Variants in MCM10 observed in about 807,000 individuals in gnomAD.
The protein encoded by MCM10 is protein MCM10 homolog.
Under a neutral mutation model 109.9 loss-of-function variants are expected in MCM10, and 91 were observed. The observed-to-expected ratio is 0.83, with a 90% CI of 0.70 to 0.99. The LOEUF (loss-of-function observed/expected upper bound fraction) is 0.99. Ranked by LOEUF, MCM10 falls within the 50% of genes least tolerant of loss-of-function variation. MCM10 has a pLI of 0.00. For missense variants in MCM10, 1,077 were observed against 1,061.2 expected (o/e 1.01, Z -0.21); for synonymous variants, 380 against 387.2 (o/e 0.98, Z 0.22).
intron 2 of MCM10, among the ~76,000 whole-genome samples, chr10:13,169,328 A>G (rs545403449): frequency 3.7e-4 from 56 of 152,300 alleles, no homozygotes; most frequent in East Asian, 2.1e-3. Flanking sequence ...TCTTTTGCCT[A>G]TTAAATCTCT....
chr10:13,210,718 C>G lies in MCM10; in HGVS notation c.*1408C>G, dbSNP rs1235172025. ...TAATAACTATTCTTTTAGGAGTATA[C>G]TTCTACTTTATAGAAGGTTGCTTTT... On this transcript the variant is annotated 3_prime_UTR_variant, in exon 20 of 20. Coordinates refer to ENST00000378714, the MANE Select transcript of MCM10 (RefSeq NM_018518.5). The G allele has an allele frequency of 6.6e-6, 1 of 152,172 alleles. No homozygotes were observed. The highest frequency in any genetic ancestry group is 1.5e-5 in the Non-Finnish European group (1 of 68,018). 9.4% of individuals were successfully genotyped at this position (152,172 alleles called of 1,614,324 possible).
At position 13,193,816 on chromosome 10, in the gene MCM10, C is replaced by T. The variant is rs543635229; in HGVS notation, c.1746-1225C>T. Among the ~76,000 whole-genome samples the T allele has an allele frequency of 5.9e-5, 9 of 152,138 alleles. No individual in the cohort carries two copies. The South Asian group carries it at 1.5e-3, about 25-fold the overall frequency. ...AATGCCCATCAGCTTGAAGGCATTG[C>T]GTAATGAAAATTTTCAGAATTTTGT... is the stretch of plus-strand genomic sequence containing the variant. On this transcript the variant is annotated intron_variant, in intron 13 of 19. Coordinates refer to ENST00000378714, the MANE Select transcript of MCM10 (RefSeq NM_018518.5).
At position 13,171,897 on chromosome 10, in the gene MCM10, T is replaced by TG. The variant is rs2131559004; in HGVS notation, c.350-477dup. Among the ~76,000 whole-genome samples, 2 of 152,186 alleles carry TG rather than the reference T, an allele frequency of 1.3e-5. 1 individual carries two copies. Among genetic ancestry groups the TG allele is most frequent in the East Asian group, 3.9e-4 (2 of 5,188 alleles). On this transcript the variant is annotated intron_variant, in intron 3 of 19. Coordinates refer to ENST00000378714, the MANE Select transcript of MCM10 (RefSeq NM_018518.5). ...TTCCTGCCACAGCCTCCCTAGTAGC[T>TG]GGAACCATAGGCATGCACCACCATG...
chr10:13,179,057 C>G (rs1408679316), intron 6 of MCM10, among the ~76,000 whole-genome samples: 1 of 152,160 alleles, frequency 6.6e-6, no homozygotes, highest in Non-Finnish European at 1.5e-5. Flanking sequence ...ATTTTGTATC[C>G]TGCAACTTTA....
At position 13,191,398 on chromosome 10, in the gene MCM10, C is replaced by T. The variant is rs539581095; in HGVS notation, c.1515C>T (p.Leu505=). 5.8e-5 allele frequency: 94 copies of T among 1,612,640 alleles called. No individual in the cohort carries two copies. The Middle Eastern group carries it at 8.3e-4, about 14-fold the overall frequency. ...NLIIQETRQK[L]GIPQKSLSCS... The stretch of plus-strand genomic sequence containing the variant: ...TCATCCAGGAAACACGGCAAAAACT[C>T]GGTAACTTTGTTTTTCCATAAGAAA... Residue 505 remains leucine (L), a splice_region_variant and synonymous_variant, in exon 11 of 20, where the codon CTC becomes CTT. Transcript: ENST00000378714.
At chr10:13,207,678 G>C (rs1168686884) in intron 18 of MCM10, among the ~76,000 whole-genome samples, 1 of 152,142 alleles carries the variant, frequency 6.6e-6, no homozygotes, top group Non-Finnish European at 1.5e-5. Flanking sequence ...ATAAAGGAGA[G>C]TTCCCTGCAC....
Position 13,210,352 on chromosome 10 carries a change from A to G in MCM10, c.*1042A>G, listed in dbSNP as rs1834644910. 1 of 152,128 alleles carries G rather than the reference A, an allele frequency of 6.6e-6. No individual in the cohort carries two copies. The highest frequency in any genetic ancestry group is 1.5e-5 in the Non-Finnish European group (1 of 68,036). 9.4% of individuals were successfully genotyped at this position (152,128 alleles called of 1,614,324 possible). A position where few individuals can be genotyped will look rare whatever the true frequency, so the allele number is the denominator to read the frequency against. Reference sequence around the variant, plus strand: ...AAATGAAAGGTCAACCCCTATGCAAATTACCACAGCAAAGGTTTCATTCAG... The same window carrying G: ...AAATGAAAGGTCAACCCCTATGCAAGTTACCACAGCAAAGGTTTCATTCAG... On this transcript the variant is annotated 3_prime_UTR_variant, in exon 20 of 20. Coordinates refer to ENST00000378714, the MANE Select transcript of MCM10 (RefSeq NM_018518.5).
chr10:13,204,056 C>T (rs1438570104), intron 17 of MCM10, among the ~76,000 whole-genome samples, 163 bp from the exon 18 acceptor site: 1 of 152,152 alleles, frequency 6.6e-6, no homozygotes, highest in Non-Finnish European at 1.5e-5. Context: ...GGCAATCACA[C>T]GGGTCACTGT....
At chr10:13,162,242 G>C (rs983449814) in intron 1 of MCM10, among the ~76,000 whole-genome samples, 3 of 152,188 alleles carry the variant, frequency 2.0e-5, no homozygotes, top group Admixed American at 2.0e-4. Flanking sequence ...AGAATTGGAC[G>C]TGGTGGATTG....
chr10:13,189,725 T>C (rs888929621), intron 10 of MCM10, among the ~76,000 whole-genome samples: 1 of 152,216 alleles, frequency 6.6e-6, no homozygotes, highest in Non-Finnish European at 1.5e-5. Flanking sequence ...TATGACTATA[T>C]GAGTGAGGCT....
intron 1 of MCM10, among the ~76,000 whole-genome samples, chr10:13,162,658 G>T (rs1325476248): frequency 6.6e-6 from 1 of 152,186 alleles, no homozygotes; most frequent in East Asian, 1.9e-4. Flanking sequence ...GGGAAGGCAA[G>T]GCCGGTTACA....
At chr10:13,178,799 G>A (rs1286184662) in intron 6 of MCM10, among the ~76,000 whole-genome samples, 1 of 152,184 alleles carries the variant, frequency 6.6e-6, no homozygotes, top group South Asian at 2.1e-4. Flanking sequence ...GCTTTGGATT[G>A]TATGGACAGT....
At chr10:13,180,680 T>A in intron 7 of MCM10, 73 bp downstream of exon 7, 1 of 1,524,992 alleles carries the variant, frequency 6.6e-7, no homozygotes, top group South Asian at 1.2e-5. Flanking sequence ...CTGAATTTGT[T>A]AACTGGAACC....
intron 16 of MCM10, 115 bp downstream of exon 16, chr10:13,198,922 G>T: frequency 4.2e-6 from 3 of 708,736 alleles, no homozygotes; most frequent in Non-Finnish European, 7.2e-6. Flanking sequence ...CTGAGACAGA[G>T]TCTCAGTCTG....
rs775423373 is a variant in MCM10, at chr10:13,172,697, C to T, written c.524C>T (p.Ala175Val). ...ATTCAGGAGTCAACATGCTTTTCTG[C>T]GGAGCTTGATGTCCCTGCGCTACCA... is the stretch of plus-strand genomic sequence containing the variant. ...QRIQESTCFS[A>V]ELDVPALPRT... is the part of the protein sequence containing the mutation. Residue 175 changes from alanine to valine, a missense_variant, in exon 5 of 20, where the codon GCG (alanine) becomes GTG (valine). Transcript: ENST00000378714. This position sits in a 1 kb window ranked among gnomAD's most constrained non-coding sequence, Gnocchi z 5.2. 16 of 1,613,974 alleles carry T rather than the reference C, an allele frequency of 9.9e-6. No homozygotes were observed. Among genetic ancestry groups the T allele is most frequent in the African/African-American group, 5.3e-5 (4 of 74,886 alleles).
intron 18 of MCM10, among the ~76,000 whole-genome samples, chr10:13,206,440 A>G (rs1294801144): frequency 6.6e-6 from 1 of 151,972 alleles, no homozygotes; most frequent in Non-Finnish European, 1.5e-5. Flanking sequence ...TTTGTTGTTC[A>G]CTTCCTGGAG....
chr10:13,186,264 C>G lies in MCM10; in HGVS notation c.1199C>G (p.Thr400Arg), dbSNP rs372112495. 3.1e-6 allele frequency: 5 copies of G among 1,610,746 alleles called. No individual in the cohort carries two copies. The highest frequency in any genetic ancestry group is 4.2e-6 in the Non-Finnish European group (5 of 1,177,378). ...AAGAAGAAGAATGGAGAGCCGTGCA[C>G]GCAGACTGTGAATTTGGTTGGTTTC... ...KAKKKNGEPC[T>R]QTVNLRDCEY... Residue 400 changes from threonine to arginine, a missense_variant, in exon 9 of 20, where the codon ACG becomes AGG. Coordinates refer to ENST00000378714, the MANE Select transcript of MCM10 (RefSeq NM_018518.5).
intron 6 of MCM10, among the ~76,000 whole-genome samples, chr10:13,177,862 A>C (rs12354602): frequency 0.024 from 3,707 of 151,444 alleles, 71 homozygotes; most frequent in South Asian, 0.094. Context: ...AAAAAAAAAA[A>C]AGTTTCCTCA....
intron 18 of MCM10, among the ~76,000 whole-genome samples, chr10:13,205,002 G>GTATATATATA (rs576376587): frequency 1.5e-4 from 1 of 6,664 alleles, no homozygotes; most frequent in African/African-American, 4.4e-4. Context: ...ATGTATGTAT[G>GTATATATATA]TATATATATA....
Sources: allele counts gnomAD v4.1 joint callset (sites outside exome capture counted in the v4.1 genomes callset), GRCh38; gene constraint gnomAD v4.1.1; non-coding constraint Gnocchi (gnomAD v3.1); transcripts MANE v1.5; gene names NCBI Gene and HGNC (gene_info 2026-07-23, HGNC 2026-07-21).